Variants in RECQL observed in about 807,000 individuals in gnomAD.
RECQL encodes RecQ like helicase.
In RECQL, 73 loss-of-function variants were observed where a neutral mutation model predicts 75.8. That is an observed-to-expected ratio of 0.96 (90% CI 0.80 to 1.17). RECQL has a LOEUF of 1.17. Among genes scored for constraint, RECQL ranks in the 50% most tolerant of loss-of-function variants. The pLI is 0.00. For missense variants in RECQL, 699 were observed against 772.1 expected (o/e 0.91, Z 1.12); for synonymous variants, 248 against 254.4 (o/e 0.97, Z 0.24).
chr12:21,490,189 T>C lies in RECQL; in HGVS notation c.394+10A>G, dbSNP rs747207865. The C allele has an allele frequency of 6.5e-7, 1 of 1,538,596 alleles. No individual in the cohort carries two copies. The highest frequency in any genetic ancestry group is 1.4e-5 in the African/African-American group (1 of 72,988). ...TTCTTCAACTCAAAATTAATTTTTT[T>C]AGTACATACCATCTGAACATAATGC... On this transcript the variant is annotated intron_variant, in intron 4 of 14. Transcript: ENST00000444129.
At chr12:21,475,085 G>A in intron 10 of RECQL, 106 bp from the exon 11 acceptor site, 1 of 1,108,422 alleles carries the variant, frequency 9.0e-7, no homozygotes, top group Non-Finnish European at 1.3e-6. Flanking sequence ...ACTACATCTA[G>A]AAATTTTAGA....
rs1182559131 is a variant in RECQL, at chr12:21,469,589, T to C, written c.*605A>G. ...TCAAAAGAAAAAATATAGCTAAGTATATAAAGGCATAAAAAACTTAAGACA... is the reference window on the plus strand; with the variant it reads ...TCAAAAGAAAAAATATAGCTAAGTACATAAAGGCATAAAAAACTTAAGACA... On this transcript the variant is annotated 3_prime_UTR_variant, in exon 15 of 15. Transcript: ENST00000444129. 3 of 151,944 alleles carry C rather than the reference T, an allele frequency of 2.0e-5. No homozygotes were observed. Among genetic ancestry groups the C allele is most frequent in the African/African-American group, 7.3e-5 (3 of 41,260 alleles). 9.4% of individuals were successfully genotyped at this position (151,944 alleles called of 1,614,324 possible).
At chr12:21,485,663 C>G (rs1016841939) in intron 5 of RECQL, among the ~76,000 whole-genome samples, 1 of 151,140 alleles carries the variant, frequency 6.6e-6, no homozygotes, top group Non-Finnish European at 1.5e-5. Context: ...GTTAGAGATA[C>G]GTACTGAAGA....
chr12:21,479,375 T>A (rs1312898616), intron 6 of RECQL, among the ~76,000 whole-genome samples: 1 of 141,384 alleles, frequency 7.1e-6, no homozygotes, highest in Non-Finnish European at 1.5e-5. Flanking sequence ...TTTTTTGAGA[T>A]GGAGTCTCAC....
intron 6 of RECQL, 76 bp downstream of exon 6, chr12:21,483,300 G>T: frequency 2.2e-6 from 2 of 927,024 alleles, no homozygotes; most frequent in Non-Finnish European, 1.7e-6. Flanking sequence ...AATAGAAGCA[G>T]AGATTTCCAT....
At chr12:21,494,395 A>G (rs538541752) in intron 2 of RECQL, among the ~76,000 whole-genome samples, 1 of 152,336 alleles carries the variant, frequency 6.6e-6, no homozygotes, top group Non-Finnish European at 1.5e-5. Flanking sequence ...GTACTGAAAC[A>G]GGGTTTATGG....
intron 3 of RECQL, 48 bp from the exon 4 acceptor site, chr12:21,490,426 G>A (rs779283373): frequency 7.8e-7 from 1 of 1,279,632 alleles, no homozygotes; most frequent in Non-Finnish European, 1.1e-6. Flanking sequence ...GACTATTATA[G>A]AAGTTTGATA....
chr12:21,488,939 G>C (rs1943357268), intron 4 of RECQL, among the ~76,000 whole-genome samples: 1 of 152,182 alleles, frequency 6.6e-6, no homozygotes, highest in Admixed American at 6.5e-5. Context: ...ATCATAATGT[G>C]AATGTTCTCT....
At chr12:21,491,487 A>G in intron 3 of RECQL, 32 bp downstream of exon 3, 1 of 1,544,512 alleles carries the variant, frequency 6.5e-7, no homozygotes. Context: ...AGAAGAAATA[A>G]AACTAGCAAA....
At chr12:21,485,461 G>A (rs1040861579) in intron 5 of RECQL, among the ~76,000 whole-genome samples, 1 of 151,478 alleles carries the variant, frequency 6.6e-6, no homozygotes, top group African/African-American at 2.4e-5. Flanking sequence ...AATTTGCATG[G>A]GAAATATAAA....
chr12:21,494,379 A>T (rs912278798), intron 2 of RECQL, among the ~76,000 whole-genome samples: 2 of 152,220 alleles, frequency 1.3e-5, no homozygotes, highest in Non-Finnish European at 2.9e-5. Context: ...GGAATAGATC[A>T]TAAAGGTACT....
chr12:21,496,089 C>T (rs1429879202), intron 2 of RECQL, among the ~76,000 whole-genome samples: 3 of 152,208 alleles, frequency 2.0e-5, no homozygotes, highest in African/African-American at 7.2e-5. Context: ...TACTGCATTC[C>T]TGGAGGGATT....
chr12:21,478,098 T>A, intron 6 of RECQL, 129 bp from the exon 7 acceptor site: 1 of 876,650 alleles, frequency 1.1e-6, no homozygotes, highest in East Asian at 2.7e-5. Flanking sequence ...AGCAGTAAAT[T>A]TGCAGTTCTG....
Position 21,471,573 on chromosome 12 carries a change from C to T in RECQL, c.1522G>A (p.Glu508Lys). The T allele has an allele frequency of 6.2e-7, 1 of 1,612,630 alleles. No individual in the cohort carries two copies. The highest frequency in any genetic ancestry group is 8.5e-7 in the Non-Finnish European group (1 of 1,179,228). ...KILKQAEELN[E>K]KLTPLKLIDS... ...ATCAGTTTCAATGGAGTGAGTTTTT[C>T]ATTCAGTTCCTCTGCCTGCTTCAGG... Residue 508 changes from glutamate to lysine, a missense_variant, in exon 13 of 15, where the codon GAA (glutamate) becomes AAA (lysine). Physicochemically the swap from Glu to Lys is moderately conservative, Grantham distance 56 (BLOSUM62 1). Transcript: ENST00000444129.
chr12:21,471,736 G>T, intron 12 of RECQL, 89 bp from the exon 13 acceptor site: 1 of 1,029,534 alleles, frequency 9.7e-7, no homozygotes, highest in Non-Finnish European at 1.5e-6. Context: ...CTGGTTTAAA[G>T]CTGGTTATCA....
At chr12:21,496,124 G>T (rs779595281) in intron 2 of RECQL, among the ~76,000 whole-genome samples, 1 of 152,130 alleles carries the variant, frequency 6.6e-6, no homozygotes, top group Non-Finnish European at 1.5e-5. Context: ...CTACATCAAC[G>T]GCATGAAAGA....
intron 5 of RECQL, among the ~76,000 whole-genome samples, 200 bp from the exon 6 acceptor site, chr12:21,483,774 A>C (rs1455922914): frequency 6.6e-6 from 1 of 152,154 alleles, no homozygotes; most frequent in Non-Finnish European, 1.5e-5. Flanking sequence ...CATTCTAGTT[A>C]TTTACTAACG....
chr12:21,480,256 T>C (rs566834932), intron 6 of RECQL, among the ~76,000 whole-genome samples: 170 of 152,152 alleles, frequency 1.1e-3, no homozygotes, highest in African/African-American at 4.0e-3. Flanking sequence ...GTAGTTTAGG[T>C]AGGGAAGTAA....
At position 21,472,058 on chromosome 12, in the gene RECQL, G is replaced by A. The variant is rs552681477; in HGVS notation, c.1448-411C>T. Among the ~76,000 whole-genome samples, 4 of 152,116 alleles carry A rather than the reference G, an allele frequency of 2.6e-5. No homozygotes were observed. The East Asian group carries it at 7.7e-4, about 29-fold the overall frequency. Reference sequence around the variant, plus strand: ...CCTCAACTGATAACCCAATTATTAAGAGACCAGTACTCTGATTTATATATA... The same window carrying A: ...CCTCAACTGATAACCCAATTATTAAAAGACCAGTACTCTGATTTATATATA... On this transcript the variant is annotated intron_variant, in intron 12 of 14. Transcript: ENST00000444129.
Sources: gnomAD v4.1 joint callset for allele counts (sites outside exome capture counted in the v4.1 genomes callset) on GRCh38, gnomAD v4.1.1 for gene constraint, MANE v1.5 for transcripts, NCBI Gene and HGNC (gene_info 2026-07-23, HGNC 2026-07-21) for gene names.